Variants in ENTREP2 observed in about 807,000 individuals in gnomAD.
ENTREP2 encodes the protein protein ENTREP2.
the ENTREP2 span, among the ~76,000 whole-genome samples, chr15:29,588,863 C>A: frequency 6.6e-6 from 1 of 151,806 alleles, no homozygotes; most frequent in South Asian, 2.1e-4. Context: ...GTGGGACGCA[C>A]CTGTAGTCCC....
the ENTREP2 span, among the ~76,000 whole-genome samples, chr15:29,637,322 G>T: frequency 6.6e-6 from 1 of 152,198 alleles, no homozygotes; most frequent in Non-Finnish European, 1.5e-5. Context: ...CACCTGGGAG[G>T]ACATCATAAA....
chr15:29,280,180 T>C, the ENTREP2 span, among the ~76,000 whole-genome samples: 1 of 152,230 alleles, frequency 6.6e-6, no homozygotes, highest in Non-Finnish European at 1.5e-5. Flanking sequence ...AAGACGTATC[T>C]CTACTCGCAT....
the ENTREP2 span, among the ~76,000 whole-genome samples, chr15:29,633,122 G>A: frequency 6.6e-6 from 1 of 152,182 alleles, no homozygotes; most frequent in Non-Finnish European, 1.5e-5. Flanking sequence ...CCAAACTCCC[G>A]TGGGAGTAAG....
At chr15:29,456,825 A>G in the ENTREP2 span, among the ~76,000 whole-genome samples, 3 of 152,236 alleles carry the variant, frequency 2.0e-5, no homozygotes, top group African/African-American at 7.2e-5. Flanking sequence ...GTGCAAAGGC[A>G]GGAGGCTGGA....
chr15:29,281,893 A>C, the ENTREP2 span, among the ~76,000 whole-genome samples: 2 of 152,322 alleles, frequency 1.3e-5, no homozygotes, highest in South Asian at 2.1e-4. Context: ...ATGCTGCTCA[A>C]GTTCAGGTAG....
chr15:29,362,703 C>T, the ENTREP2 span, among the ~76,000 whole-genome samples: 1,325 of 151,980 alleles, frequency 8.7e-3, 20 homozygotes, highest in African/African-American at 0.03. Context: ...TATTCTAGCT[C>T]GCTGTCACTT....
the ENTREP2 span, among the ~76,000 whole-genome samples, chr15:29,164,909 A>C: frequency 2.0e-5 from 3 of 152,226 alleles, no homozygotes; most frequent in Admixed American, 6.5e-5. Flanking sequence ...AATTTCTCCA[A>C]GATAGACTAT....
chr15:29,137,246 T>A, the ENTREP2 span: 1 of 1,421,600 alleles, frequency 7.0e-7, no homozygotes, highest in East Asian at 3.0e-5. Context: ...GTGTGGCTTG[T>A]GTCTCATTAA....
chr15:29,288,411 T>C, the ENTREP2 span, among the ~76,000 whole-genome samples: 3 of 152,190 alleles, frequency 2.0e-5, no homozygotes, highest in Admixed American at 6.5e-5. Context: ...ACACCTGGTG[T>C]TGTCAGGGCC....
chr15:29,242,690 C>A, the ENTREP2 span, among the ~76,000 whole-genome samples: 1 of 152,224 alleles, frequency 6.6e-6, no homozygotes, highest in African/African-American at 2.4e-5. Context: ...AGGCGCAGCA[C>A]AGACATGGCC....
chr15:29,215,576 T>A, the ENTREP2 span, among the ~76,000 whole-genome samples: 7 of 113,576 alleles, frequency 6.2e-5, no homozygotes, highest in Admixed American at 9.4e-5. Context: ...CAAATATATA[T>A]AATATATATA....
chr15:29,344,627 C>A, the ENTREP2 span, among the ~76,000 whole-genome samples: 1 of 152,032 alleles, frequency 6.6e-6, no homozygotes, highest in Non-Finnish European at 1.5e-5. Flanking sequence ...CTTAGTTGAC[C>A]CAGCTACTGC....
the ENTREP2 span, among the ~76,000 whole-genome samples, chr15:29,237,145 G>A: frequency 6.6e-6 from 1 of 152,150 alleles, no homozygotes; most frequent in Non-Finnish European, 1.5e-5. Flanking sequence ...AATTGACAAG[G>A]AAGAAGCTTT....
At chr15:29,126,891 C>A in the ENTREP2 span, among the ~76,000 whole-genome samples, 2 of 152,176 alleles carry the variant, frequency 1.3e-5, no homozygotes, top group African/African-American at 4.8e-5. Context: ...GGTGCAGCCC[C>A]GGGCCTGGAG....
At chr15:29,517,163 G>A in the ENTREP2 span, among the ~76,000 whole-genome samples, 29 of 152,148 alleles carry the variant, frequency 1.9e-4, no homozygotes, top group South Asian at 8.3e-4. Context: ...GGGGAGCAGC[G>A]GAGAGCAAAT....
chr15:29,619,258 C>T, the ENTREP2 span, among the ~76,000 whole-genome samples: 2 of 151,982 alleles, frequency 1.3e-5, no homozygotes, highest in African/African-American at 2.4e-5. Context: ...CAGGTGTGGT[C>T]GCTGGCGCCT....
At chr15:29,135,000 C>G in the ENTREP2 span, among the ~76,000 whole-genome samples, 1 of 152,044 alleles carries the variant, frequency 6.6e-6, no homozygotes, top group Non-Finnish European at 1.5e-5. Flanking sequence ...CGGGGCTCCA[C>G]GGCTGCTGAG....
the ENTREP2 span, among the ~76,000 whole-genome samples, chr15:29,282,011 G>A: frequency 6.6e-6 from 1 of 152,118 alleles, no homozygotes; most frequent in Non-Finnish European, 1.5e-5. Flanking sequence ...AGGGTCTATG[G>A]TTTGCCCAGA....
At chr15:29,219,972 G>A in the ENTREP2 span, among the ~76,000 whole-genome samples, 1 of 151,732 alleles carries the variant, frequency 6.6e-6, no homozygotes, top group Admixed American at 6.6e-5. Context: ...AAGATCCTAC[G>A]CATGCAACCA....
Sources: gnomAD v4.1 joint callset for allele counts (sites outside exome capture counted in the v4.1 genomes callset) on GRCh38, gnomAD v4.1.1 for gene constraint, MANE v1.5 for transcripts, NCBI Gene and HGNC (gene_info 2026-07-23, HGNC 2026-07-21) for gene names.